Variants in BCAS3 observed in about 807,000 individuals in gnomAD.
The protein encoded by BCAS3 is BCAS4/BCAS3 fusion.
BCAS3 carries 53 observed loss-of-function variants against 116.1 expected under a neutral mutation model. The observed-to-expected ratio is 0.46, with a 90% CI of 0.37 to 0.57. The LOEUF (loss-of-function observed/expected upper bound fraction) is 0.57, where lower values mean the gene tolerates loss of function less well. Ranked by LOEUF, BCAS3 falls within the 20% of genes least tolerant of loss-of-function variation. The probability of loss-of-function intolerance (pLI) is 0.00; values close to 1 mark genes in which losing one functional copy is unlikely to be tolerated. For missense variants in BCAS3, 917 were observed against 1,165.4 expected (o/e 0.79, Z 3.10); for synonymous variants, 391 against 408.2 (o/e 0.96, Z 0.51).
chr17:60,921,462 A>C (rs1257581210), intron 12 of BCAS3, among the ~76,000 whole-genome samples: 2 of 151,738 alleles, frequency 1.3e-5, no homozygotes, highest in African/African-American at 4.8e-5. Context: ...AAATACAAAA[A>C]ATTAGCCGGG....
rs1437479565 is a variant in BCAS3 at position 61,041,858 on chromosome 17, G to A, written c.2029+966G>A. On this transcript the variant is annotated intron_variant, in intron 19 of 23. Coordinates refer to ENST00000407086, the MANE Select transcript of BCAS3 (RefSeq NM_017679.5). The surrounding 1 kb of genome is among the most constrained non-coding windows in gnomAD (Gnocchi z 4.7). ...TGTTGAACTCTCTGCTTTTTCTAGG[G>A]CATTTTTATTGAGTGCCTACTATGT... Among the ~76,000 whole-genome samples, 1 of 151,906 alleles carries A rather than the reference G, an allele frequency of 6.6e-6. No homozygotes were observed. The highest frequency in any genetic ancestry group is 1.5e-5 in the Non-Finnish European group (1 of 67,952).
In BCAS3 at chr17:61,363,006, C is replaced by T. The variant is rs989581337; in HGVS notation, c.2426-5321C>T. On this transcript the variant is annotated intron_variant, in intron 22 of 23. Coordinates refer to ENST00000407086, the MANE Select transcript of BCAS3 (RefSeq NM_017679.5). This position sits in a 1 kb window ranked among gnomAD's most constrained non-coding sequence, Gnocchi z 4.9. ...ATTTCATAAGTAGTCAATAAACGAA[C>T]CTGTTTTGAGCAAGCATGATGTACA... 3.3e-5 allele frequency among the ~76,000 whole-genome samples: 5 copies of T among 152,156 alleles called. No homozygotes were observed. The highest frequency in any genetic ancestry group is 1.2e-4 in the African/African-American group (5 of 41,432).
At chr17:61,016,291 G>T (rs1046372913) in intron 16 of BCAS3, among the ~76,000 whole-genome samples, 19 of 152,126 alleles carry the variant, frequency 1.2e-4, no homozygotes, top group Non-Finnish European at 1.5e-5. Flanking sequence ...AACCTTAGAT[G>T]ACAACCATCT....
Position 60,967,371 on chromosome 17 carries a change from T to A in BCAS3, c.1221+20019T>A, listed in dbSNP as rs2061715507. Among the ~76,000 whole-genome samples the A allele has an allele frequency of 6.6e-6, 1 of 152,206 alleles. No homozygotes were observed. The highest frequency in any genetic ancestry group is 1.5e-5 in the Non-Finnish European group (1 of 68,038). Reference sequence around the variant, plus strand: ...GAGCACTTTGAAAATGTTGTTATACTCCCTCCTGGCTTATATGATTTACAC... The same window carrying A: ...GAGCACTTTGAAAATGTTGTTATACACCCTCCTGGCTTATATGATTTACAC... On this transcript the variant is annotated intron_variant, in intron 14 of 23. Coordinates refer to ENST00000407086, the MANE Select transcript of BCAS3 (RefSeq NM_017679.5). This position sits in a 1 kb window ranked among gnomAD's most constrained non-coding sequence, Gnocchi z 4.7.
intron 22 of BCAS3, among the ~76,000 whole-genome samples, chr17:61,142,181 A>G (rs1188589548): frequency 6.6e-6 from 1 of 152,154 alleles, no homozygotes; most frequent in East Asian, 1.9e-4. Flanking sequence ...ACAATCTGCT[A>G]GGTAATTGTT....
At chr17:61,350,931 GC>G (rs1284046403) in intron 22 of BCAS3, among the ~76,000 whole-genome samples, 1 of 152,108 alleles carries the variant, frequency 6.6e-6, no homozygotes, top group Non-Finnish European at 1.5e-5. Context: ...ACCATGCCCA[GC>G]CTTCAATCTT....
chr17:60,875,457 A>G (rs1488831001), intron 9 of BCAS3, among the ~76,000 whole-genome samples: 3 of 152,088 alleles, frequency 2.0e-5, no homozygotes, highest in Admixed American at 6.5e-5. Flanking sequence ...AAGTTGGCAC[A>G]TTTTCAAAGA....
chr17:60,882,051 C>T (rs948390693), intron 9 of BCAS3, among the ~76,000 whole-genome samples: 2 of 148,148 alleles, frequency 1.3e-5, no homozygotes, highest in Non-Finnish European at 1.5e-5. Context: ...GTTTACAGTC[C>T]CACCAACAGT....
chr17:60,989,504 G>A (rs1345375503), intron 14 of BCAS3, among the ~76,000 whole-genome samples: 1 of 146,912 alleles, frequency 6.8e-6, no homozygotes, highest in African/African-American at 2.5e-5. Context: ...TAACATAACT[G>A]CACTCATTTA....
intron 22 of BCAS3, among the ~76,000 whole-genome samples, chr17:61,277,224 G>A (rs1357583790): frequency 7.4e-6 from 1 of 135,514 alleles, no homozygotes; most frequent in Non-Finnish European, 1.5e-5. Flanking sequence ...AATCATGTCA[G>A]TGTACTCCAG....
At chr17:60,754,889 T>TA (rs1568175232) in intron 6 of BCAS3, among the ~76,000 whole-genome samples, 2 of 152,180 alleles carry the variant, frequency 1.3e-5, no homozygotes, top group Non-Finnish European at 1.5e-5. Flanking sequence ...GCTTCTCTAA[T>TA]GTTTTCCGCT....
chr17:60,976,447 T>A (rs1429899132), intron 14 of BCAS3, among the ~76,000 whole-genome samples: 6 of 150,066 alleles, frequency 4.0e-5, no homozygotes, highest in African/African-American at 1.5e-4. Flanking sequence ...ATATATTTTT[T>A]TTTTAGTATT....
chr17:60,992,923 T>C (rs1416369190), intron 15 of BCAS3, among the ~76,000 whole-genome samples: 3 of 152,196 alleles, frequency 2.0e-5, no homozygotes, highest in Non-Finnish European at 4.4e-5. Flanking sequence ...CAAAATCTTT[T>C]GGCAAAGAGA....
At chr17:61,283,555 G>A (rs1220988231) in intron 22 of BCAS3, among the ~76,000 whole-genome samples, 4 of 151,212 alleles carry the variant, frequency 2.6e-5, no homozygotes, top group Non-Finnish European at 4.4e-5. Flanking sequence ...CTGGGTTCAC[G>A]CCATTCTCCT....
intron 10 of BCAS3, among the ~76,000 whole-genome samples, chr17:60,890,424 G>A (rs9914032): frequency 0.31 from 47,096 of 151,764 alleles, 12,371 homozygotes; most frequent in African/African-American, 0.72. Context: ...ACTGCACTCC[G>A]TCTGGGCAAC....
intron 7 of BCAS3, among the ~76,000 whole-genome samples, chr17:60,850,351 T>TTG (rs2052992320): frequency 7.4e-6 from 1 of 135,398 alleles, no homozygotes; most frequent in African/African-American, 2.9e-5. Flanking sequence ...CACTGTTTTT[T>TTG]TTTTTTTTTT....
In BCAS3 at chr17:60,776,196, A is replaced by G. The variant is rs984088250; in HGVS notation, c.403+28917A>G. 3.3e-5 allele frequency among the ~76,000 whole-genome samples: 5 copies of G among 152,246 alleles called. No homozygotes were observed. The South Asian group carries it at 8.3e-4, about 25-fold the overall frequency. ...AATGTTTTAAATTCATCATAACAGT[A>G]TTGACTCAGTTTTGTACTTTTAAAG... is the stretch of plus-strand genomic sequence containing the variant. On this transcript the variant is annotated intron_variant, in intron 6 of 23. Transcript: ENST00000407086.
At chr17:61,116,779 C>A (rs1032741314) in intron 22 of BCAS3, among the ~76,000 whole-genome samples, 1 of 152,122 alleles carries the variant, frequency 6.6e-6, no homozygotes, top group Non-Finnish European at 1.5e-5. Flanking sequence ...GTTCATAGTT[C>A]TTTTCCTTTG....
intron 7 of BCAS3, among the ~76,000 whole-genome samples, chr17:60,823,417 G>A (rs908332142): frequency 1.3e-5 from 2 of 152,100 alleles, no homozygotes; most frequent in Admixed American, 1.3e-4. Context: ...AGAGGATTGA[G>A]GGCTGGCAAA....
Sources: gnomAD v4.1 joint callset for allele counts (sites outside exome capture counted in the v4.1 genomes callset) on GRCh38, gnomAD v4.1.1 for gene constraint, Gnocchi (gnomAD v3.1) non-coding constraint, MANE v1.5 for transcripts, NCBI Gene and HGNC (gene_info 2026-07-23, HGNC 2026-07-21) for gene names.